Variants in LARGE1 observed in about 807,000 individuals in gnomAD.
LARGE1 encodes LARGE xylosyl- and glucuronyltransferase 1, also known as xylosyl- and glucuronyltransferase LARGE1.
LARGE1 carries 43 observed loss-of-function variants against 87.6 expected under a neutral mutation model. The ratio of observed to expected loss-of-function variants is 0.49; its 90% CI spans 0.38 to 0.63. The LOEUF (loss-of-function observed/expected upper bound fraction) is 0.63. Among genes scored for constraint, LARGE1 ranks in the 30% least tolerant of loss-of-function variants. The probability of loss-of-function intolerance (pLI) is 0.00; values close to 1 mark genes in which losing one functional copy is unlikely to be tolerated. For missense variants in LARGE1, 802 were observed against 1,000.2 expected (o/e 0.80, Z 2.67); for synonymous variants, 434 against 394.6 (o/e 1.10, Z -1.18).
intron 14 of LARGE1, among the ~76,000 whole-genome samples, chr22:33,275,772 A>G (rs1055602812): frequency 3.3e-5 from 5 of 152,240 alleles, no homozygotes; most frequent in Non-Finnish European, 7.3e-5. Flanking sequence ...TCCAAAACAA[A>G]CAAAGCCCAG....
chr22:33,434,587 C>T (rs2067198048), intron 6 of LARGE1, among the ~76,000 whole-genome samples: 1 of 152,212 alleles, frequency 6.6e-6, no homozygotes, highest in South Asian at 2.1e-4. Flanking sequence ...GCGTGAGCCA[C>T]TGCGCCCAGC....
chr22:33,784,992 C>CATACATGTGTATACATACATATGTGTAT (rs1569445596), intron 1 of LARGE1, among the ~76,000 whole-genome samples: 1 of 146,334 alleles, frequency 6.8e-6, no homozygotes, highest in Non-Finnish European at 1.5e-5. Context: ...CATATGTGTA[C>CATACATGTGTATACATACATATGTGTAT]GTGTATATAC....
At chr22:33,634,548 A>T (rs543871634) in intron 3 of LARGE1, among the ~76,000 whole-genome samples, 2 of 152,286 alleles carry the variant, frequency 1.3e-5, no homozygotes, top group East Asian at 3.9e-4. Context: ...AGACAAGGAA[A>T]GGCTGCATTC....
intron 1 of LARGE1, among the ~76,000 whole-genome samples, chr22:33,817,442 C>T (rs1451913416): frequency 3.4e-5 from 5 of 148,814 alleles, no homozygotes; most frequent in African/African-American, 5.0e-5. Flanking sequence ...GTTTGTGTTT[C>T]TCTCTCTCTC....
intron 9 of LARGE1, among the ~76,000 whole-genome samples, chr22:33,369,802 C>A (rs534929962): frequency 6.6e-6 from 1 of 152,268 alleles, no homozygotes; most frequent in Admixed American, 6.5e-5. Context: ...TTCCTGAACT[C>A]AAGTGATCCA....
At chr22:33,865,566 A>G (rs2064068331) in intron 1 of LARGE1, among the ~76,000 whole-genome samples, 1 of 152,200 alleles carries the variant, frequency 6.6e-6, no homozygotes, top group Non-Finnish European at 1.5e-5. Context: ...TATTATGAAC[A>G]ATGAGATCCT....
chr22:33,390,688 TG>T (rs926184582), intron 7 of LARGE1, among the ~76,000 whole-genome samples: 1 of 122,766 alleles, frequency 8.1e-6, no homozygotes, highest in African/African-American at 4.5e-5. Context: ...TTTTGTTGTG[TG>T]TTTTTTTTTT....
chr22:33,131,033 C>CAACA, the LARGE1 span, among the ~76,000 whole-genome samples: 2 of 70,940 alleles, frequency 2.8e-5, no homozygotes, highest in African/African-American at 5.7e-5. Context: ...GACTCCGTCT[C>CAACA]AAAAAAAAAA....
At chr22:33,298,906 A>T (rs1339827563) in intron 12 of LARGE1, among the ~76,000 whole-genome samples, 1 of 131,542 alleles carries the variant, frequency 7.6e-6, no homozygotes, top group Non-Finnish European at 1.6e-5. Flanking sequence ...AGAAAGAAAA[A>T]AGGAAAGAGA....
chr22:33,604,995 A>G (rs1320099060), intron 4 of LARGE1, among the ~76,000 whole-genome samples: 2 of 151,734 alleles, frequency 1.3e-5, no homozygotes, highest in Non-Finnish European at 2.9e-5. Flanking sequence ...CTCCAATAGC[A>G]CAGTGTAAGT....
At chr22:33,779,144 C>T (rs1387636706) in intron 1 of LARGE1, among the ~76,000 whole-genome samples, 4 of 152,158 alleles carry the variant, frequency 2.6e-5, no homozygotes, top group African/African-American at 9.7e-5. Context: ...AATCTCTTCG[C>T]TCTGCATACA....
intron 6 of LARGE1, among the ~76,000 whole-genome samples, chr22:33,457,235 C>A (rs1248495931): frequency 6.8e-6 from 1 of 146,388 alleles, no homozygotes; most frequent in Non-Finnish European, 1.5e-5. Flanking sequence ...TCAAGCGATT[C>A]TTGTGCCTCA....
intron 11 of LARGE1, among the ~76,000 whole-genome samples, chr22:33,201,875 T>C (rs1441367489): frequency 6.6e-6 from 1 of 152,192 alleles, no homozygotes; most frequent in Admixed American, 6.5e-5. Flanking sequence ...TGGTGGCTCA[T>C]GCCTATAATC....
chr22:33,540,990 T>G (rs2077175775), intron 6 of LARGE1, among the ~76,000 whole-genome samples: 1 of 138,884 alleles, frequency 7.2e-6, no homozygotes, highest in Non-Finnish European at 1.5e-5. Context: ...ATATAAAAAT[T>G]AGCCAGGTGT....
Position 33,680,809 on chromosome 22 carries a change from G to GA in LARGE1, c.107-30142dup, listed in dbSNP as rs61043150. Among the ~76,000 whole-genome samples the GA allele has an allele frequency of 1.5e-3, 212 of 143,998 alleles. 2 individuals carry two copies. The highest frequency in any genetic ancestry group is 3.5e-3 in the Middle Eastern group (1 of 282). The allele number at this position is 143,998 out of a possible 152,430, so 94.5% of individuals were successfully genotyped here. ...AATACCCCCTTATCATCTGCTTTAG[G>GA]AAAAAAAAAAAACTGAAAAGATTAT... On this transcript the variant is annotated intron_variant, in intron 2 of 14. Transcript: ENST00000397394.
chr22:33,696,562 G>A (rs949799949), intron 2 of LARGE1, among the ~76,000 whole-genome samples: 1 of 152,016 alleles, frequency 6.6e-6, no homozygotes, highest in Non-Finnish European at 1.5e-5. Flanking sequence ...CAGTTTTATA[G>A]GAAATCAGCA....
At chr22:33,281,212 T>TG (rs1447851105) in intron 13 of LARGE1, among the ~76,000 whole-genome samples, 1 of 152,004 alleles carries the variant, frequency 6.6e-6, no homozygotes, top group African/African-American at 2.4e-5. Flanking sequence ...GCCACAAATG[T>TG]GGCTGTGAAA....
chr22:33,348,963 C>T (rs186662132), intron 9 of LARGE1, among the ~76,000 whole-genome samples: 2 of 152,220 alleles, frequency 1.3e-5, no homozygotes, highest in Non-Finnish European at 2.9e-5. Flanking sequence ...GAGCAGTTTC[C>T]CTGCACATGC....
chr22:33,164,542 G>A (rs1239441787), exon 12 of LARGE1: 1 of 151,040 alleles, frequency 6.6e-6, no homozygotes, highest in Non-Finnish European at 1.5e-5. Context: ...TTTTGAGACA[G>A]AGTCTCGCTC....
Sources: gnomAD v4.1 joint callset for allele counts (sites outside exome capture counted in the v4.1 genomes callset) on GRCh38, gnomAD v4.1.1 for gene constraint, MANE v1.5 for transcripts, NCBI Gene and HGNC (gene_info 2026-07-23, HGNC 2026-07-21) for gene names.